Variants in STPG2 observed in about 807,000 individuals in gnomAD.
The protein encoded by STPG2 is sperm tail PG-rich repeat containing 2.
STPG2 carries 56 observed loss-of-function variants against 54.2 expected under a neutral mutation model. The observed-to-expected ratio is 1.03, with a 90% CI of 0.83 to 1.29. STPG2 has a LOEUF of 1.29. STPG2 is among the 50% of genes most tolerant of loss of function. The pLI, the probability that STPG2 is intolerant of heterozygous loss-of-function variation, is 0.00. For missense variants in STPG2, 596 were observed against 544.9 expected (o/e 1.09, Z -0.93); for synonymous variants, 200 against 181.8 (o/e 1.10, Z -0.81).
At chr4:97,977,004 G>A (rs1734520279) in intron 6 of STPG2, among the ~76,000 whole-genome samples, 1 of 152,126 alleles carries the variant, frequency 6.6e-6, no homozygotes, top group African/African-American at 2.4e-5. Flanking sequence ...AGCCTTAAAG[G>A]ATTGTGCTTA....
chr4:98,060,640 G>A (rs767970359), intron 5 of STPG2, among the ~76,000 whole-genome samples: 2 of 152,124 alleles, frequency 1.3e-5, no homozygotes, highest in African/African-American at 2.4e-5. Context: ...AAAGCTGGAG[G>A]CAACACACTA....
rs542668024 is a variant in STPG2, at chr4:98,028,612, T to C, written c.613-47294A>G. On this transcript the variant is annotated intron_variant, in intron 5 of 10. Transcript: ENST00000295268. The stretch of plus-strand genomic sequence containing the variant: ...TTTTTAGAGATATGAATAAATTAGT[T>C]TTATTTTCTTATAGTAGATGTTTTG... 2.0e-5 allele frequency among the ~76,000 whole-genome samples: 3 copies of C among 152,300 alleles called. No individual in the cohort carries two copies. In the South Asian group the frequency reaches 6.2e-4, roughly 32 times the overall value.
chr4:98,064,591 T>G (rs968036985), intron 5 of STPG2, among the ~76,000 whole-genome samples: 1 of 152,210 alleles, frequency 6.6e-6, no homozygotes, highest in Non-Finnish European at 1.5e-5. Context: ...ATATTGGGTT[T>G]AGAGGATATA....
At chr4:97,542,269 A>T (rs1297809373) in intron 4 of STPG2, among the ~76,000 whole-genome samples, 5 of 152,236 alleles carry the variant, frequency 3.3e-5, no homozygotes, top group African/African-American at 1.2e-4. Flanking sequence ...AAACAAATTC[A>T]TAAGAAAGCA....
intron 4 of STPG2, among the ~76,000 whole-genome samples, chr4:97,545,842 A>G (rs1046652063): frequency 5.9e-5 from 9 of 152,132 alleles, no homozygotes; most frequent in Admixed American, 4.6e-4. Context: ...TTACTCATAC[A>G]CATTGATGAG....
At chr4:97,449,859 T>A (rs1317380276) in intron 4 of STPG2, among the ~76,000 whole-genome samples, 2 of 152,178 alleles carry the variant, frequency 1.3e-5, no homozygotes, top group Non-Finnish European at 2.9e-5. Flanking sequence ...GCAATCCACA[T>A]ATCCTATTGT....
chr4:97,533,252 C>T (rs1341571726), intron 4 of STPG2, among the ~76,000 whole-genome samples: 1 of 152,014 alleles, frequency 6.6e-6, no homozygotes, highest in African/African-American at 2.4e-5. Context: ...ATGTTAGGGA[C>T]TCAAAATACT....
chr4:97,832,978 A>G (rs1014326348), intron 9 of STPG2, among the ~76,000 whole-genome samples: 3 of 152,180 alleles, frequency 2.0e-5, no homozygotes, highest in Non-Finnish European at 4.4e-5. Context: ...TTAAGCTACC[A>G]TTGACTTTCT....
intron 9 of STPG2, among the ~76,000 whole-genome samples, chr4:97,754,191 C>T (rs1725662719): frequency 1.3e-5 from 2 of 152,092 alleles, no homozygotes; most frequent in African/African-American, 2.4e-5. Context: ...TGGAGTTTCT[C>T]ATGCAGAAGT....
In STPG2 at chr4:97,801,893, A is replaced by T. The variant is rs141384981; in HGVS notation, c.1204+38880T>A. Among the ~76,000 whole-genome samples, 65 of 152,294 alleles carry T rather than the reference A, an allele frequency of 4.3e-4. No individual in the cohort carries two copies. The East Asian group carries it at 0.012, about 29-fold the overall frequency. On this transcript the variant is annotated intron_variant, in intron 9 of 10. Transcript: ENST00000295268. ...TTTCAAACTTTAATAAAGGATTGGC[A>T]TAACAGGAATTACAATGTAACGTTA...
At chr4:97,588,931 A>C (rs1020757360) in intron 10 of STPG2, among the ~76,000 whole-genome samples, 2 of 152,106 alleles carry the variant, frequency 1.3e-5, no homozygotes, top group Non-Finnish European at 2.9e-5. Flanking sequence ...AACCCACACA[A>C]AATTTTGGAA....
chr4:97,534,096 C>T (rs747954984), intron 4 of STPG2, among the ~76,000 whole-genome samples: 1 of 152,010 alleles, frequency 6.6e-6, no homozygotes, highest in Non-Finnish European at 1.5e-5. Flanking sequence ...AAATTTTAGG[C>T]ATATAAGTGG....
At position 97,697,629 on chromosome 4, in the gene STPG2, C is replaced by T. The variant is rs569882240; in HGVS notation, c.1320+15070G>A. ...AAAGGGGGAACTTGTTGGGAACAGG[C>T]CCCCAAATCTGGCTATAAACTGGCC... On this transcript the variant is annotated intron_variant, in intron 10 of 10. Coordinates refer to ENST00000295268, the MANE Select transcript of STPG2 (RefSeq NM_174952.3). Among the ~76,000 whole-genome samples the T allele has an allele frequency of 2.6e-5, 4 of 152,258 alleles. No individual in the cohort carries two copies. The East Asian group carries it at 7.8e-4, about 30-fold the overall frequency.
chr4:97,798,074 C>G (rs910609995), intron 9 of STPG2, among the ~76,000 whole-genome samples: 1 of 151,596 alleles, frequency 6.6e-6, no homozygotes, highest in African/African-American at 2.4e-5. Flanking sequence ...TGATTCTTCT[C>G]TCTTCTTTAT....
At chr4:97,473,292 T>C (rs1729984561) in intron 4 of STPG2, among the ~76,000 whole-genome samples, 1 of 152,116 alleles carries the variant, frequency 6.6e-6, no homozygotes, top group South Asian at 2.1e-4. Flanking sequence ...CAAAAGCAAA[T>C]GGGAGAAATA....
At chr4:97,558,326 A>G (rs1291093104), downstream of STPG2, among the ~76,000 whole-genome samples, 1 of 152,220 alleles carries the variant, frequency 6.6e-6, no homozygotes, top group African/African-American at 2.4e-5. Context: ...GGTGGTAGGC[A>G]GCCTTCTAAG....
chr4:97,849,809 T>C (rs1729092593), intron 8 of STPG2, among the ~76,000 whole-genome samples: 1 of 151,920 alleles, frequency 6.6e-6, no homozygotes, highest in Non-Finnish European at 1.5e-5. Context: ...AGGAACACTT[T>C]TACACTGTTG....
chr4:97,566,646 T>C (rs1162277296), intron 10 of STPG2, among the ~76,000 whole-genome samples: 1 of 152,102 alleles, frequency 6.6e-6, no homozygotes, highest in Non-Finnish European at 1.5e-5. Context: ...TGTCCAACAA[T>C]GATAGACTGG....
intron 10 of STPG2, among the ~76,000 whole-genome samples, chr4:97,647,949 G>T (rs1468781443): frequency 6.6e-6 from 1 of 152,102 alleles, no homozygotes; most frequent in Non-Finnish European, 1.5e-5. Context: ...GCATTACTAG[G>T]AGGGAGATCC....
Sources: allele counts gnomAD v4.1 joint callset (sites outside exome capture counted in the v4.1 genomes callset), GRCh38; gene constraint gnomAD v4.1.1; transcripts MANE v1.5; gene names NCBI Gene and HGNC (gene_info 2026-07-23, HGNC 2026-07-21).